The following MAPK4 variants were observed in gnomAD, a reference collection of about 807,000 sequenced individuals.
MAPK4 encodes mitogen-activated protein kinase 4.
In MAPK4, 22 loss-of-function variants were observed where a neutral mutation model predicts 47.7. The observed-to-expected ratio is 0.46, with a 90% CI of 0.33 to 0.66. MAPK4 has a LOEUF of 0.66. Ranked by LOEUF, MAPK4 falls within the 30% of genes least tolerant of loss-of-function variation. MAPK4 has a pLI of 0.02. For missense variants in MAPK4, 736 were observed against 831.7 expected (o/e 0.88, Z 1.42); for synonymous variants, 390 against 365.7 (o/e 1.07, Z -0.76).
At chr18:50,582,460 G>T (rs2042354107) in intron 1 of MAPK4, among the ~76,000 whole-genome samples, 1 of 152,224 alleles carries the variant, frequency 6.6e-6, no homozygotes, top group South Asian at 2.1e-4. Flanking sequence ...TATGGTTGTT[G>T]CACCAAGAAT....
At chr18:50,687,779 C>T (rs1335839006) in intron 2 of MAPK4, among the ~76,000 whole-genome samples, 4 of 152,170 alleles carry the variant, frequency 2.6e-5, no homozygotes, top group Admixed American at 6.5e-5. Flanking sequence ...TTCTGGGCCA[C>T]GTGTCTGCTT....
chr18:50,626,096 T>G (rs1373763041), intron 1 of MAPK4, among the ~76,000 whole-genome samples: 1 of 152,148 alleles, frequency 6.6e-6, no homozygotes, highest in Non-Finnish European at 1.5e-5. Flanking sequence ...GGGGAAGTCC[T>G]TCATTTGTTC....
At chr18:50,724,063 G>A (rs1911070886) in intron 4 of MAPK4, among the ~76,000 whole-genome samples, 1 of 152,064 alleles carries the variant, frequency 6.6e-6, no homozygotes, top group Non-Finnish European at 1.5e-5. Context: ...CCAGGCTGGA[G>A]TGCAGTGGTA....
At chr18:50,600,931 G>A (rs1290499585) in intron 1 of MAPK4, among the ~76,000 whole-genome samples, 1 of 151,808 alleles carries the variant, frequency 6.6e-6, no homozygotes, top group African/African-American at 2.4e-5. Context: ...CACATTAAAT[G>A]TTATTTTAAA....
chr18:50,581,337 G>GATCA (rs2042342425), intron 1 of MAPK4, among the ~76,000 whole-genome samples: 1 of 152,150 alleles, frequency 6.6e-6, no homozygotes, highest in African/African-American at 2.4e-5. Flanking sequence ...TGGGCTGAAG[G>GATCA]ATCAGCTTCC....
intron 3 of MAPK4, 57 bp from the exon 4 acceptor site, chr18:50,721,881 A>G: frequency 6.3e-7 from 1 of 1,580,996 alleles, no homozygotes; most frequent in Non-Finnish European, 8.7e-7. Flanking sequence ...CTTTTGGGCT[A>G]CTGCACACCA....
At chr18:50,608,586 T>A (rs2042603385) in intron 1 of MAPK4, among the ~76,000 whole-genome samples, 1 of 152,208 alleles carries the variant, frequency 6.6e-6, no homozygotes, top group African/African-American at 2.4e-5. Flanking sequence ...TCAGATTTGA[T>A]GAAATTAGTC....
intron 1 of MAPK4, among the ~76,000 whole-genome samples, chr18:50,612,005 A>C (rs58000211): frequency 6.6e-5 from 10 of 152,076 alleles, no homozygotes; most frequent in Non-Finnish European, 1.5e-4. Context: ...GAGTTTTCAC[A>C]TGTTTACACT....
intron 2 of MAPK4, among the ~76,000 whole-genome samples, chr18:50,673,883 AT>A (rs1321405958): frequency 4.0e-5 from 6 of 151,790 alleles, no homozygotes; most frequent in South Asian, 2.1e-4. Context: ...TGAATTTACC[AT>A]TTTTTTTCAA....
intron 1 of MAPK4, among the ~76,000 whole-genome samples, chr18:50,661,864 G>A (rs928903544): frequency 6.6e-6 from 1 of 152,230 alleles, no homozygotes; most frequent in African/African-American, 2.4e-5. Flanking sequence ...TCAGAATCTT[G>A]AGTACATCTT....
chr18:50,596,243 C>G (rs1009973667), intron 1 of MAPK4, among the ~76,000 whole-genome samples: 2 of 152,110 alleles, frequency 1.3e-5, no homozygotes, highest in Non-Finnish European at 1.5e-5. Flanking sequence ...GTAAGGGGTG[C>G]GGGTAGAGCT....
Position 50,664,530 on chromosome 18 carries a change from C to T in MAPK4, c.546+26C>T. 3.2e-6 allele frequency: 5 copies of T among 1,554,054 alleles called. No individual in the cohort carries two copies. Among genetic ancestry groups the T allele is most frequent in the Non-Finnish European group, 4.4e-6 (5 of 1,146,750 alleles). On this transcript the variant is annotated intron_variant, in intron 2 of 5. Transcript: ENST00000400384. This position sits in a 1 kb window ranked among gnomAD's most constrained non-coding sequence, Gnocchi z 6.0. ...GTATGTCTGGCTGGAATGGCGGATA[C>T]TGGTGGTCCACAGAATCCCCAAGAA...
chr18:50,618,303 GT>G (rs1466903376), intron 1 of MAPK4, among the ~76,000 whole-genome samples: 1 of 152,112 alleles, frequency 6.6e-6, no homozygotes, highest in Admixed American at 6.5e-5. Flanking sequence ...GTTAAAGTCA[GT>G]TCACCCAAAC....
chr18:50,670,953 A>G (rs970014653), intron 2 of MAPK4, among the ~76,000 whole-genome samples: 2 of 152,212 alleles, frequency 1.3e-5, no homozygotes, highest in Admixed American at 6.5e-5. Flanking sequence ...TGAACTTTTA[A>G]GAACCATTGA....
chr18:50,603,350 A>G (rs1397626787), intron 1 of MAPK4, among the ~76,000 whole-genome samples: 2 of 152,136 alleles, frequency 1.3e-5, no homozygotes, highest in Non-Finnish European at 2.9e-5. Context: ...CCACTAAGGT[A>G]CTTGGTTAAG....
chr18:50,596,164 C>G (rs1056746157), intron 1 of MAPK4, among the ~76,000 whole-genome samples: 1 of 152,128 alleles, frequency 6.6e-6, no homozygotes, highest in African/African-American at 2.4e-5. Context: ...CTATTGTCAT[C>G]CGCATTTTCT....
chr18:50,588,079 G>A (rs2042404192), intron 1 of MAPK4, among the ~76,000 whole-genome samples: 1 of 151,524 alleles, frequency 6.6e-6, no homozygotes, highest in Non-Finnish European at 1.5e-5. Flanking sequence ...TTTTGTCGTG[G>A]TAGAACGAAG....
intron 1 of MAPK4, among the ~76,000 whole-genome samples, chr18:50,581,146 T>A (rs1242079732): frequency 6.6e-6 from 1 of 152,218 alleles, no homozygotes; most frequent in Non-Finnish European, 1.5e-5. Flanking sequence ...GTATTCACTA[T>A]CTGTGGCTGT....
At chr18:50,573,242 G>A (rs573661613) in intron 1 of MAPK4, among the ~76,000 whole-genome samples, 1 of 152,314 alleles carries the variant, frequency 6.6e-6, no homozygotes, top group African/African-American at 2.4e-5. Flanking sequence ...ATCCTGTTGT[G>A]AATTTAACCT....
Sources: gnomAD v4.1 joint callset for allele counts (sites outside exome capture counted in the v4.1 genomes callset) on GRCh38, gnomAD v4.1.1 for gene constraint, Gnocchi (gnomAD v3.1) non-coding constraint, MANE v1.5 for transcripts, NCBI Gene and HGNC (gene_info 2026-07-23, HGNC 2026-07-21) for gene names.